Variants in CLEC12B observed in about 807,000 individuals in gnomAD.
CLEC12B encodes C-type lectin domain family 12 member B.
A neutral mutation model predicts 36.1 loss-of-function variants in CLEC12B; 25 were observed. The observed-to-expected ratio is 0.69, with a 90% CI of 0.50 to 0.97. The LOEUF (loss-of-function observed/expected upper bound fraction) is 0.97. Among genes scored for constraint, CLEC12B ranks in the 50% least tolerant of loss-of-function variants. CLEC12B has a pLI of 0.00. For missense variants in CLEC12B, 325 were observed against 318.4 expected, an observed-to-expected ratio of 1.02 and a Z score of -0.16; for synonymous variants, 110 against 108.5, an observed-to-expected ratio of 1.01 and a Z score of -0.09.
chr12:10,009,712 C>A (rs915657533), upstream of CLEC12B, among the ~76,000 whole-genome samples: 1 of 152,150 alleles, frequency 6.6e-6, no homozygotes, highest in Non-Finnish European at 1.5e-5. Context: ...CGCTGGACAC[C>A]TTTGACTAAG....
chr12:10,007,583 A>G (rs192117403), upstream of CLEC12B, among the ~76,000 whole-genome samples: 23 of 152,326 alleles, frequency 1.5e-4, no homozygotes, highest in Non-Finnish European at 2.6e-4. Context: ...GTAGAAAGAG[A>G]AGACAGAAAG....
chr12:10,007,167 G>T (rs1865239781), upstream of CLEC12B, among the ~76,000 whole-genome samples: 1 of 152,108 alleles, frequency 6.6e-6, no homozygotes, highest in Admixed American at 6.5e-5. Context: ...GAACCCATTT[G>T]TTGTTAAGAA....
In CLEC12B at chr12:10,018,457, A is replaced by G. The variant is rs1357631873; in HGVS notation, c.807A>G (p.Pro269=). The change falls in exon 6 of 6, where the codon CCA becomes CCG. Residue 269 remains proline (P), a synonymous_variant. Coordinates refer to ENST00000338896, the MANE Select transcript of CLEC12B (RefSeq NM_001129998.3). ...IFWICEKTAA[P]VKTEDLD is the part of the protein sequence containing the mutation. ...GGATTTGCGAGAAGACAGCTGCCCC[A>G]GTGAAGACTGAGGATTTGGATTAGT... 8 of 1,550,904 alleles carry G rather than the reference A, an allele frequency of 5.2e-6. No homozygotes were observed. Among genetic ancestry groups the G allele is most frequent in the Middle Eastern group, 1.7e-4 (1 of 5,986 alleles).
rs760854783 is a variant in CLEC12B at position 10,012,863 on chromosome 12, T to G, written c.170T>G (p.Leu57Arg). 1.9e-6 allele frequency: 3 copies of G among 1,613,068 alleles called. No homozygotes were observed. Among genetic ancestry groups the G allele is most frequent in the Non-Finnish European group, 1.7e-6 (2 of 1,179,092 alleles). ...VTLCLMLLIGLVTLGMMFLQI... is the reference protein window; with the variant it reads ...VTLCLMLLIGRVTLGMMFLQI... The stretch of plus-strand genomic sequence containing the variant: ...CTTTGCCTGATGTTGCTGATTGGGC[T>G]GGTGACATTGGGGATGATGTGTAAG... Residue 57 changes from leucine to arginine, a missense_variant, in exon 2 of 6, where the codon CTG becomes CGG. Coordinates refer to ENST00000338896, the MANE Select transcript of CLEC12B (RefSeq NM_001129998.3).
upstream of CLEC12B, among the ~76,000 whole-genome samples, chr12:10,010,202 ACAC>A (rs1218611936): frequency 7.0e-5 from 2 of 28,756 alleles, no homozygotes; most frequent in Non-Finnish European, 1.4e-4. Context: ...TCTCTCTCTC[ACAC>A]ACACACACAC....
intron 5 of CLEC12B, chr12:10,017,235 A>G (rs1865508634): frequency 1.0e-6 from 1 of 985,306 alleles, no homozygotes; most frequent in African/African-American, 1.7e-5. Context: ...AATAATAATG[A>G]CAAAAAGCAC....
At chr12:10,012,085 G>A (rs1865342939) in intron 1 of CLEC12B, among the ~76,000 whole-genome samples, 1 of 152,132 alleles carries the variant, frequency 6.6e-6, no homozygotes, top group East Asian at 1.9e-4. Flanking sequence ...GCTGTTTGTA[G>A]GTTAGACTGC....
intron 5 of CLEC12B, chr12:10,017,356 G>T (rs1435523643): frequency 2.0e-6 from 2 of 985,244 alleles, no homozygotes; most frequent in Non-Finnish European, 2.4e-6. Flanking sequence ...TAGACTGAGG[G>T]TTTCCAGGAG....
chr12:10,017,437 G>A (rs1865514015), intron 5 of CLEC12B: 2 of 985,232 alleles, frequency 2.0e-6, no homozygotes, highest in African/African-American at 3.5e-5. Context: ...TTCTCCCAAA[G>A]GGATTTTAAT....
rs572052446 is a variant in CLEC12B at position 10,018,542 on chromosome 12, G to A, written c.*61G>A. On this transcript the variant is annotated 3_prime_UTR_variant, in exon 6 of 6. Coordinates refer to ENST00000338896, the MANE Select transcript of CLEC12B (RefSeq NM_001129998.3). Reference sequence around the variant, plus strand: ...TTGTGAGTAAGCTCATATGAGGAAAGAGGAAACTACGGTACCAGAGCCAAA... The same window carrying A: ...TTGTGAGTAAGCTCATATGAGGAAAAAGGAAACTACGGTACCAGAGCCAAA... The A allele has an allele frequency of 1.5e-5, 21 of 1,411,092 alleles. No homozygotes were observed. The South Asian group carries it at 2.7e-4, about 18-fold the overall frequency. The allele number at this position is 1,411,092 out of a possible 1,614,324, so 87.4% of individuals were successfully genotyped here. A position where few individuals can be genotyped will look rare whatever the true frequency, so the allele number is the denominator to read the frequency against.
At chr12:10,008,980 A>T (rs149310194), upstream of CLEC12B, among the ~76,000 whole-genome samples, 2 of 152,292 alleles carry the variant, frequency 1.3e-5, no homozygotes, top group African/African-American at 4.8e-5. Flanking sequence ...AAACGCACCA[A>T]TCAGTGCCAC....
chr12:10,014,651 G>A lies in CLEC12B; in HGVS notation c.319G>A (p.Glu107Lys), dbSNP rs1203553523. 1 of 1,613,744 alleles carries A rather than the reference G, an allele frequency of 6.2e-7. No homozygotes were observed. Among genetic ancestry groups the A allele is most frequent in the African/African-American group, 1.3e-5 (1 of 75,018 alleles). ...CTCCAACAACTTGTCCATGGAGGAG[G>A]AATTTCTCAAGTCACAGATCTCCAG... is the stretch of plus-strand genomic sequence containing the variant. ...GNSNNLSMEE[E>K]FLKSQISSVL... Residue 107 changes from glutamate to lysine, a missense_variant, in exon 3 of 6, where the codon GAA (glutamate) becomes AAA (lysine). Coordinates refer to ENST00000338896, the MANE Select transcript of CLEC12B (RefSeq NM_001129998.3).
Position 10,015,594 on chromosome 12 carries a change from C to G in CLEC12B, c.565-18C>G, listed in dbSNP as rs781758990. 55 of 1,612,660 alleles carry G rather than the reference C, an allele frequency of 3.4e-5. No individual in the cohort carries two copies. The highest frequency in any genetic ancestry group is 4.6e-5 in the Non-Finnish European group (54 of 1,179,354). On this transcript the variant is annotated intron_variant, in intron 4 of 5. Transcript: ENST00000338896. ...ATGTGGCGCTCACGTAAAACTTTTT[C>G]TCTGTTTTCTCTCTTAGGATTTTCT...
At chr12:10,014,321 A>G (rs1865417406) in intron 2 of CLEC12B, among the ~76,000 whole-genome samples, 1 of 152,168 alleles carries the variant, frequency 6.6e-6, no homozygotes, top group South Asian at 2.1e-4. Flanking sequence ...ATATAGTGCA[A>G]TAATAAAAAT....
At chr12:10,010,278 CTCTT>C (rs562112220), upstream of CLEC12B, among the ~76,000 whole-genome samples, 35 of 151,900 alleles carry the variant, frequency 2.3e-4, 4 homozygotes, top group South Asian at 7.1e-3. Flanking sequence ...TGTGGCACAG[CTCTT>C]TCTGTCTTAA....
chr12:10,010,914 GT>G, intron 1 of CLEC12B, 64 bp downstream of exon 1: 2 of 1,061,592 alleles, frequency 1.9e-6, no homozygotes, highest in South Asian at 2.7e-5. Context: ...ATGCTTTGAG[GT>G]GCCAGCTTTA....
At chr12:10,013,198 G>A (rs1865380081) in intron 2 of CLEC12B, 1 of 319,258 alleles carries the variant, frequency 3.1e-6, no homozygotes, top group African/African-American at 2.3e-5. Context: ...TTCCAATGCT[G>A]AGAAATAAAG....
chr12:10,012,893 T>C lies in CLEC12B; in HGVS notation c.190+10T>C, dbSNP rs758851141. 3.8e-6 allele frequency: 6 copies of C among 1,589,086 alleles called. No homozygotes were observed. In the East Asian group the frequency reaches 1.3e-4, roughly 36 times the overall value. On this transcript the variant is annotated intron_variant, in intron 2 of 5. Transcript: ENST00000338896. The stretch of plus-strand genomic sequence containing the variant: ...ACATTGGGGATGATGTGTAAGTATA[T>C]CAGCATCAAACCCAACAAAGGCAAC...
Position 10,014,570 on chromosome 12 carries a change from C to T in CLEC12B, c.238C>T (p.Gln80Ter), listed in dbSNP as rs555070393. Residue 80 changes from glutamine (Q) to a stop codon, truncating the protein, a stop_gained, in exon 3 of 6, where the codon CAA (glutamine) becomes TAA (stop). Transcript: ENST00000338896. LOFTEE classifies it high-confidence loss of function. The part of the protein sequence containing the change: ...DINSDSEKLS[Q>*]LQKTIQQQQD... The stretch of plus-strand genomic sequence containing the variant: ...TAACTCAGATTCAGAGAAATTGAGT[C>T]AACTTCAGAAAACCATCCAACAGCA... 1.2e-6 allele frequency: 2 copies of T among 1,613,582 alleles called. No individual in the cohort carries two copies. The highest frequency in any genetic ancestry group is 2.2e-5 in the South Asian group (2 of 91,054).
Sources: gnomAD v4.1 joint callset for allele counts (sites outside exome capture counted in the v4.1 genomes callset) on GRCh38, gnomAD v4.1.1 for gene constraint, MANE v1.5 for transcripts, NCBI Gene and HGNC (gene_info 2026-07-23, HGNC 2026-07-21) for gene names.